Variants in TMC3 observed in about 807,000 individuals in gnomAD.
TMC3 encodes transmembrane channel like 3, also known as transmembrane channel-like protein 3.
Under a neutral mutation model 110.6 loss-of-function variants are expected in TMC3, and 98 were observed. The ratio of observed to expected loss-of-function variants is 0.89; its 90% CI spans 0.75 to 1.05. TMC3 has a LOEUF of 1.05. TMC3 is among the 50% of genes least tolerant of loss of function. The pLI is 0.00. For synonymous variants in TMC3, 489 were observed against 513.1 expected, an observed-to-expected ratio of 0.95 and a Z score of 0.63; for missense variants, 1,319 against 1,373.2, an observed-to-expected ratio of 0.96 and a Z score of 0.62.
At chr15:81,349,642 C>G in intron 10 of TMC3, 75 bp from the exon 11 acceptor site, 1 of 855,892 alleles carries the variant, frequency 1.2e-6, no homozygotes, top group South Asian at 4.1e-5. Flanking sequence ...CATTTGATCT[C>G]TTTCCCTAAT....
intron 14 of TMC3, 21 bp downstream of exon 14, chr15:81,343,896 C>T (rs1447930754): frequency 6.2e-7 from 1 of 1,608,268 alleles, no homozygotes; most frequent in Admixed American, 1.7e-5. Context: ...ACTTTCCCAA[C>T]AGACACAGCA....
chr15:81,336,737 TACATGCCATAGTTC>T, intron 19 of TMC3, 86 bp from the exon 20 acceptor site: 1 of 1,360,148 alleles, frequency 7.4e-7, no homozygotes, highest in Non-Finnish European at 1.0e-6. Flanking sequence ...GAAAAAGATT[TACATGCCATAGTTC>T]TTACCTTGGA....
intron 2 of TMC3, among the ~76,000 whole-genome samples, 177 bp from the exon 3 acceptor site, chr15:81,368,505 GA>G (rs35657140): frequency 0.15 from 23,332 of 152,004 alleles, 2,247 homozygotes; most frequent in South Asian, 0.4. Flanking sequence ...TTGGTAATCA[GA>G]AAACACCTTA....
intron 3 of TMC3, 136 bp downstream of exon 3, chr15:81,368,117 T>C: frequency 1.7e-6 from 1 of 601,116 alleles, no homozygotes; most frequent in Admixed American, 2.7e-5. Context: ...GTATTTTTAG[T>C]AGAGATGGGG....
chr15:81,345,706 TA>T (rs1302765270), intron 12 of TMC3, among the ~76,000 whole-genome samples: 1 of 151,312 alleles, frequency 6.6e-6, no homozygotes, highest in African/African-American at 2.4e-5. Flanking sequence ...CCCATCTCTA[TA>T]AAAAATACAA....
chr15:81,361,951 T>C (rs1222735678), intron 4 of TMC3: 1 of 280,864 alleles, frequency 3.6e-6, no homozygotes, highest in Non-Finnish European at 6.9e-6. Flanking sequence ...GTTTGCATTA[T>C]ATCTGACTGA....
chr15:81,365,455 A>C (rs1337084026), intron 3 of TMC3, among the ~76,000 whole-genome samples: 1 of 130,470 alleles, frequency 7.7e-6, no homozygotes, highest in East Asian at 2.2e-4. Context: ...GGCAGATCAC[A>C]AGGTCAGGAG....
Position 81,368,257 on chromosome 15 carries a change from G to A in TMC3, c.308C>T (p.Ala103Val), listed in dbSNP as rs1409182788. ...TRTRGYQAAG[A>V]ELWRKFARLA... is the part of the protein sequence containing the mutation. ...CACATGTGTGTTCTGTATTACCTCTGCACCTGCTGCTTGGTAGCCTCGGGT... is the reference window on the plus strand; with the variant it reads ...CACATGTGTGTTCTGTATTACCTCTACACCTGCTGCTTGGTAGCCTCGGGT... Residue 103 changes from alanine (A) to valine (V), a missense_variant, in exon 3 of 22, where the codon GCA (alanine) becomes GTA (valine). Transcript: ENST00000359440. 3 of 1,612,890 alleles carry A rather than the reference G, an allele frequency of 1.9e-6. No homozygotes were observed. The African/African-American group carries it at 4.0e-5, about 22-fold the overall frequency.
rs985339916 is a variant in TMC3, at chr15:81,359,377, A to G, written c.489T>C (p.Ile163=). 11 of 1,602,296 alleles carry G rather than the reference A, an allele frequency of 6.9e-6. No homozygotes were observed. The highest frequency in any genetic ancestry group is 8.5e-6 in the Non-Finnish European group (10 of 1,175,324). The change falls in exon 5 of 22, where the codon ATT becomes ATC. Residue 163 remains isoleucine (I), a synonymous_variant. Coordinates refer to ENST00000359440, the MANE Select transcript of TMC3 (RefSeq NM_001080532.3). The part of the protein sequence containing the change: ...IVLTIMTGAF[I]VIPELIAGQP... ...TGAAACATCTTACCTCTGGAATGAC[A>G]ATAAAAGCACCTGTCATAATGGTGA...
chr15:81,368,262 T>C lies in TMC3; in HGVS notation c.303A>G (p.Ala101=). ...RLTRTRGYQA[A]GAELWRKFAR... is the part of the protein sequence containing the mutation. ...GTGTGTTCTGTATTACCTCTGCACCTGCTGCTTGGTAGCCTCGGGTCCTGG... is the reference window on the plus strand; with the variant it reads ...GTGTGTTCTGTATTACCTCTGCACCCGCTGCTTGGTAGCCTCGGGTCCTGG... Residue 101 remains alanine (A), a synonymous_variant, in exon 3 of 22, where the codon GCA becomes GCG. Coordinates refer to ENST00000359440, the MANE Select transcript of TMC3 (RefSeq NM_001080532.3). 3 of 1,613,498 alleles carry C rather than the reference T, an allele frequency of 1.9e-6. No individual in the cohort carries two copies. The highest frequency in any genetic ancestry group is 2.5e-6 in the Non-Finnish European group (3 of 1,179,544).
At chr15:81,337,821 A>G (rs1336826683) in intron 19 of TMC3, 25 bp downstream of exon 19, 1 of 1,596,440 alleles carries the variant, frequency 6.3e-7, no homozygotes. Flanking sequence ...CATATTCATA[A>G]TAGCAAAGTT....
Position 81,344,778 on chromosome 15 carries a change from T to C in TMC3, c.1506A>G (p.Thr502=), listed in dbSNP as rs1180824676. The C allele has an allele frequency of 1.9e-6, 3 of 1,613,750 alleles. No homozygotes were observed. The highest frequency in any genetic ancestry group is 1.7e-4 in the Middle Eastern group (1 of 6,004). The part of the protein sequence containing the change: ...TQSPQDQCWE[T]YVGQEMLKLS... ...TAAAGAGAACCACCTGACCAACGTATGTCTCCCAGCACTGGTCTTGTGGAC... is the reference window on the plus strand; with the variant it reads ...TAAAGAGAACCACCTGACCAACGTACGTCTCCCAGCACTGGTCTTGTGGAC... Residue 502 remains threonine (T), a synonymous_variant, in exon 13 of 22, where the codon ACA becomes ACG. Coordinates refer to ENST00000359440, the MANE Select transcript of TMC3 (RefSeq NM_001080532.3).
chr15:81,354,126 T>C (rs1894008284), intron 9 of TMC3, among the ~76,000 whole-genome samples: 1 of 152,240 alleles, frequency 6.6e-6, no homozygotes, highest in African/African-American at 2.4e-5. Flanking sequence ...CAACTCCCTG[T>C]CTGACTTCAA....
At position 81,351,758 on chromosome 15, in the gene TMC3, A is replaced by C; in HGVS notation, c.1019T>G (p.Val340Gly). ...LAGSIYLIYF[V>G]VDRSQKLEQS... ...CTCCAGCTTCTGGGACCGGTCCACC[A>C]CAAAGTAGATGAGATAAATGCTCCC... Residue 340 changes from valine (V) to glycine (G), a missense_variant, in exon 10 of 22, where the codon GTG becomes GGG. Val to Gly is a moderately radical substitution (Grantham distance 109). Transcript: ENST00000359440. 1.3e-6 allele frequency: 2 copies of C among 1,598,044 alleles called. No individual in the cohort carries two copies. Among genetic ancestry groups the C allele is most frequent in the Non-Finnish European group, 1.7e-6 (2 of 1,172,368 alleles).
Position 81,332,550 on chromosome 15 carries a change from C to G in TMC3, c.3172G>C (p.Asp1058His). The stretch of plus-strand genomic sequence containing the variant: ...CTGTGGGTGACCTGCAGGTACTGGT[C>G]AGCGCTGCTGTTCTGCTGGTCACTG... ...SSSDQQNSSA[D>H]QYLQVTHSQG... The change falls in exon 22 of 22, where the codon GAC becomes CAC. Residue 1058 changes from aspartate to histidine, a missense_variant. Coordinates refer to ENST00000359440, the MANE Select transcript of TMC3 (RefSeq NM_001080532.3). The G allele has an allele frequency of 6.2e-7, 1 of 1,613,942 alleles. No individual in the cohort carries two copies. Among genetic ancestry groups the G allele is most frequent in the Non-Finnish European group, 8.5e-7 (1 of 1,179,880 alleles).
intron 8 of TMC3, 84 bp downstream of exon 8, chr15:81,356,363 G>A (rs1894060664): frequency 6.9e-7 from 1 of 1,451,388 alleles, no homozygotes; most frequent in Non-Finnish European, 9.2e-7. Flanking sequence ...GAAGAGGATG[G>A]TTCTGGCTTC....
In TMC3 at chr15:81,341,441, C is replaced by T; in HGVS notation, c.1793G>A (p.Trp598Ter). Reference protein sequence around the residue: ...KLIGLMYLRSWAVLTCNVPHQ... With the variant: ...KLIGLMYLRS ...GGGCACATTGCAGGTCAGCACAGCC[C>T]AGCTTCTCAGGTACATGAGCCCAAT... The change falls in exon 16 of 22, where the codon TGG (tryptophan) becomes TAG (stop). Residue 598 changes from tryptophan to a stop codon, truncating the protein, a stop_gained. Coordinates refer to ENST00000359440, the MANE Select transcript of TMC3 (RefSeq NM_001080532.3). LOFTEE classifies it high-confidence loss of function. The T allele has an allele frequency of 1.2e-6, 2 of 1,611,774 alleles. No homozygotes were observed. Among genetic ancestry groups the T allele is most frequent in the Non-Finnish European group, 1.7e-6 (2 of 1,178,892 alleles).
rs766766453 is a variant in TMC3, at chr15:81,332,787, C to T, written c.2935G>A (p.Glu979Lys). The stretch of plus-strand genomic sequence containing the variant: ...TGCTCGGGATCCCGGGTCTGACTTT[C>T]GGACCTCTCCCCAATATAAAAATGA... The part of the protein sequence containing the change: ...APHFYIGERS[E>K]SQTRDPEHQG... The change falls in exon 22 of 22, where the codon GAA becomes AAA. Residue 979 changes from glutamate to lysine, a missense_variant. By Grantham distance (56) the Glu-to-Lys change is moderately conservative. Transcript: ENST00000359440. 2.5e-6 allele frequency: 4 copies of T among 1,610,704 alleles called. No homozygotes were observed. The highest frequency in any genetic ancestry group is 2.5e-6 in the Non-Finnish European group (3 of 1,178,432).
intron 18 of TMC3, among the ~76,000 whole-genome samples, chr15:81,338,158 G>A (rs1339610719): frequency 6.6e-6 from 1 of 152,144 alleles, no homozygotes; most frequent in Admixed American, 6.5e-5. Flanking sequence ...TCGTTGACCT[G>A]GAATTCTGCA....
Sources: allele counts gnomAD v4.1 joint callset (sites outside exome capture counted in the v4.1 genomes callset), GRCh38; gene constraint gnomAD v4.1.1; transcripts MANE v1.5; gene names NCBI Gene and HGNC (gene_info 2026-07-23, HGNC 2026-07-21).